The following CELSR3 variants were observed in gnomAD, a reference collection of about 807,000 sequenced individuals.
The protein encoded by CELSR3 is cadherin EGF LAG seven-pass G-type receptor 3.
A neutral mutation model predicts 270.0 loss-of-function variants in CELSR3; 73 were observed. The observed-to-expected ratio is 0.27, with a 90% CI of 0.22 to 0.33. CELSR3 has a LOEUF of 0.33. CELSR3 is among the 10% of genes least tolerant of loss of function. The pLI is 1.00. For synonymous variants in CELSR3, 1,780 were observed against 1,905.4 expected (o/e 0.93, Z 1.71); for missense variants, 3,614 against 4,533.8 (o/e 0.80, Z 5.83).
rs779098448 is a variant in CELSR3 at position 48,646,716 on chromosome 3, CA to C, written c.7295+46del. On this transcript the variant is annotated intron_variant, in intron 21 of 34. Coordinates refer to ENST00000164024, the MANE Select transcript of CELSR3 (RefSeq NM_001407.3). This position sits in a 1 kb window ranked among gnomAD's most constrained non-coding sequence, Gnocchi z 4.8. Reference sequence around the variant, plus strand: ...ATCTACCCACCAAAAAAGGGGCTGCCAGGCTGAGAAGTTCGTAGGAAGCTCA... The same window carrying C: ...ATCTACCCACCAAAAAAGGGGCTGCCGGCTGAGAAGTTCGTAGGAAGCTCA... The C allele has an allele frequency of 1.3e-6, 2 of 1,573,602 alleles. No homozygotes were observed. Among genetic ancestry groups the C allele is most frequent in the Non-Finnish European group, 1.7e-6 (2 of 1,164,398 alleles).
chr3:48,640,362 G>T lies in CELSR3; in HGVS notation c.9223C>A (p.Leu3075Ile). ...TCACGGCTCAGTTGCCGCCGGAGGA[G>T]CAGGTCCAGCTGTTCTCTAGAAGAG... is the stretch of plus-strand genomic sequence containing the variant. ...RYSSREQLDLLLRRQLSRERL... is the reference protein window; with the variant it reads ...RYSSREQLDLILRRQLSRERL... The change falls in exon 34 of 35, where the codon CTC becomes ATC. Residue 3075 changes from leucine (L) to isoleucine (I), a missense_variant. Physicochemically the swap from Leu to Ile is conservative, Grantham distance 5. Coordinates refer to ENST00000164024, the MANE Select transcript of CELSR3 (RefSeq NM_001407.3). This position sits in a 1 kb window ranked among gnomAD's most constrained non-coding sequence, Gnocchi z 7.5. The T allele has an allele frequency of 6.2e-7, 1 of 1,612,684 alleles. No homozygotes were observed. Among genetic ancestry groups the T allele is most frequent in the Non-Finnish European group, 8.5e-7 (1 of 1,179,920 alleles).
rs1263279070 is a variant in CELSR3 at position 48,653,847 on chromosome 3, C to T, written c.5278+31G>A. The T allele has an allele frequency of 6.2e-7, 1 of 1,612,128 alleles. No homozygotes were observed. On this transcript the variant is annotated intron_variant, in intron 8 of 34. Coordinates refer to ENST00000164024, the MANE Select transcript of CELSR3 (RefSeq NM_001407.3). The surrounding 1 kb of genome is among the most constrained non-coding windows in gnomAD (Gnocchi z 6.5). ...TGCCCCAGGAACAGATCTGACCCTG[C>T]AGGCCCCTCTGCCCCATGCTGCCCA...
Position 48,648,378 on chromosome 3 carries a change from G to C in CELSR3, c.6861C>G (p.Gly2287=), listed in dbSNP as rs777567335. Residue 2287 remains glycine (G), a synonymous_variant, in exon 19 of 35, where the codon GGC becomes GGG. Coordinates refer to ENST00000164024, the MANE Select transcript of CELSR3 (RefSeq NM_001407.3). The stretch of plus-strand genomic sequence containing the variant: ...TCACCAGTCCCGCGCTGCCTGGGGA[G>C]CCCCCAGGGGCCCGCTGCCCCAGCG... The part of the protein sequence containing the change: ...WAALGQRAPG[G]SPGSAGLVRH... 2 of 1,611,288 alleles carry C rather than the reference G, an allele frequency of 1.2e-6. No homozygotes were observed. Among genetic ancestry groups the C allele is most frequent in the East Asian group, 2.2e-5 (1 of 44,836 alleles).
Position 48,638,081 on chromosome 3 carries a change from G to C in CELSR3, c.*124C>G. 1 of 789,708 alleles carries C rather than the reference G, an allele frequency of 1.3e-6. No individual in the cohort carries two copies. Among genetic ancestry groups the C allele is most frequent in the East Asian group, 2.5e-5 (1 of 39,624 alleles). The allele number at this position is 789,708 out of a possible 1,614,324, so 48.9% of individuals were successfully genotyped here. A position where few individuals can be genotyped will look rare whatever the true frequency, so the allele number is the denominator to read the frequency against. ...CCTCAGCCCTGCCACACCAGGTAGA[G>C]CTGGGGCACCCACCACTGGGGAGCA... On this transcript the variant is annotated 3_prime_UTR_variant, in exon 35 of 35. Coordinates refer to ENST00000164024, the MANE Select transcript of CELSR3 (RefSeq NM_001407.3).
At position 48,662,397 on chromosome 3, in the gene CELSR3, C is replaced by A; in HGVS notation, c.238G>T (p.Val80Phe). Residue 80 changes from valine (V) to phenylalanine (F), a missense_variant, in exon 1 of 35, where the codon GTC (valine) becomes TTC (phenylalanine). Coordinates refer to ENST00000164024, the MANE Select transcript of CELSR3 (RefSeq NM_001407.3). The surrounding 1 kb of genome is among the most constrained non-coding windows in gnomAD (Gnocchi z 7.1). ...AGCCCCACGAAGATAGGCTCCCTGA[C>A]CCCCAGGCCAGGCCCCCCATCCTCC... ...VREDGGPGLG[V>F]REPIFVGLRG... 1 of 1,612,874 alleles carries A rather than the reference C, an allele frequency of 6.2e-7. No individual in the cohort carries two copies. Among genetic ancestry groups the A allele is most frequent in the Non-Finnish European group, 8.5e-7 (1 of 1,179,954 alleles).
Position 48,642,977 on chromosome 3 carries a change from G to A in CELSR3, c.8396C>T (p.Ala2799Val). ...RKAAPEEARP[A>V]PGLGPGAYNN... ...CCCATCCCGACTCACCAGCCCAGGT[G>A]CTGGCCTTGCCTCCTCAGGCGCTGC... Residue 2799 changes from alanine to valine, a missense_variant, in exon 29 of 35, where the codon GCA becomes GTA. By Grantham distance (64) the Ala-to-Val change is moderately conservative (BLOSUM62 0). Around this residue, in one of 7 missense-constraint regions of CELSR3, gnomAD observed 1,240 missense variants for 1,351.7 expected, o/e 0.92. Coordinates refer to ENST00000164024, the MANE Select transcript of CELSR3 (RefSeq NM_001407.3). The surrounding 1 kb of genome is among the most constrained non-coding windows in gnomAD (Gnocchi z 6.1). 1 of 1,612,290 alleles carries A rather than the reference G, an allele frequency of 6.2e-7. No homozygotes were observed. The highest frequency in any genetic ancestry group is 8.5e-7 in the Non-Finnish European group (1 of 1,179,494).
Position 48,637,995 on chromosome 3 carries a change from G to A in CELSR3, c.*210C>T. 2.4e-5 allele frequency: 12 copies of A among 498,510 alleles called. No homozygotes were observed. Among genetic ancestry groups the A allele is most frequent in the Admixed American group, 3.2e-5 (1 of 30,822 alleles). The allele number at this position is 498,510 out of a possible 1,614,324, so 30.9% of individuals were successfully genotyped here. On this transcript the variant is annotated 3_prime_UTR_variant, in exon 35 of 35. Coordinates refer to ENST00000164024, the MANE Select transcript of CELSR3 (RefSeq NM_001407.3). The stretch of plus-strand genomic sequence containing the variant: ...TTACAAAGGTACAAAACGTATAAAA[G>A]TCTCCCTCCAGTCCCCCGTCTCTGC...
chr3:48,648,238 G>GGCCCCCCCCCACCC, intron 19 of CELSR3, 28 bp downstream of exon 19: 3 of 1,342,622 alleles, frequency 2.2e-6, no homozygotes, highest in East Asian at 2.3e-5. Context: ...CCCCTGCTGT[G>GGCCCCCCCCCACCC]CCCCGCCCTA....
Position 48,662,886 on chromosome 3 carries a change from C to T in CELSR3, c.-252G>A. ...CTGCTGCCGCCTCCCGCCGCTCCAACATGGCTCCCGGCCGCCCCGATGGTT... is the reference window on the plus strand; with the variant it reads ...CTGCTGCCGCCTCCCGCCGCTCCAATATGGCTCCCGGCCGCCCCGATGGTT... On this transcript the variant is annotated 5_prime_UTR_variant, in exon 1 of 35. Transcript: ENST00000164024. This position sits in a 1 kb window ranked among gnomAD's most constrained non-coding sequence, Gnocchi z 7.1. 3.0e-6 allele frequency: 1 copy of T among 334,410 alleles called. No individual in the cohort carries two copies. Among genetic ancestry groups the T allele is most frequent in the Non-Finnish European group, 5.5e-6 (1 of 180,892 alleles). The allele number at this position is 334,410 out of a possible 1,614,324, so 20.7% of individuals were successfully genotyped here. A position where few individuals can be genotyped will look rare whatever the true frequency, so the allele number is the denominator to read the frequency against.
chr3:48,638,336 A>G (rs1657818056), intron 34 of CELSR3, 104 bp from the exon 35 acceptor site: 4 of 820,518 alleles, frequency 4.9e-6, no homozygotes, highest in Non-Finnish European at 8.6e-6. Context: ...CCTTGCCTCC[A>G]CCACTGCTCT....
chr3:48,659,557 G>A lies in CELSR3; in HGVS notation c.3078C>T (p.Asp1026=), dbSNP rs1472300530. The A allele has an allele frequency of 6.2e-7, 1 of 1,614,162 alleles. No individual in the cohort carries two copies. The highest frequency in any genetic ancestry group is 1.1e-5 in the South Asian group (1 of 91,086). Residue 1026 remains aspartate, a synonymous_variant, in exon 1 of 35, where the codon GAC becomes GAT. Coordinates refer to ENST00000164024, the MANE Select transcript of CELSR3 (RefSeq NM_001407.3). The surrounding 1 kb of genome is among the most constrained non-coding windows in gnomAD (Gnocchi z 8.1). ...SGIVRTVRRL[D]REAVSVYELT... ...ACTCATACACTGATACTGCCTCCCGGTCTAGCCGCCTTACTGTACGGACAA... is the reference window on the plus strand; with the variant it reads ...ACTCATACACTGATACTGCCTCCCGATCTAGCCGCCTTACTGTACGGACAA...
In CELSR3 at chr3:48,643,348, A is replaced by G. The variant is rs2047047687; in HGVS notation, c.8289+206T>C. The G allele has an allele frequency of 1.5e-5, 11 of 717,932 alleles. No homozygotes were observed. The South Asian group carries it at 2.1e-4, about 14-fold the overall frequency. 44.5% of individuals were successfully genotyped at this position (717,932 alleles called of 1,614,324 possible). ...GAAGGTCGATCCAAGATCAGCACTC[A>G]GTCTGGGATCAGTGCCTAAGTTAGA... On this transcript the variant is annotated intron_variant, in intron 28 of 34. Transcript: ENST00000164024.
intron 20 of CELSR3, 135 bp from the exon 21 acceptor site, chr3:48,647,063 C>A: frequency 3.7e-6 from 3 of 803,880 alleles, no homozygotes; most frequent in Non-Finnish European, 5.5e-6. Flanking sequence ...GAGCATGAAC[C>A]CAGAAAGTAA....
chr3:48,643,647 C>T lies in CELSR3; in HGVS notation c.8196G>A (p.Leu2732=). The change falls in exon 28 of 35, where the codon CTG becomes CTA. Residue 2732 remains leucine (L), a synonymous_variant. Coordinates refer to ENST00000164024, the MANE Select transcript of CELSR3 (RefSeq NM_001407.3). ...LTLRSSFLLL[L]LVSASWLFGL... ...CAAAGAGCCAGGAGGCACTGACCAG[C>T]AGAAGCAGCAGGAAGGAGCTGCGAA... The T allele has an allele frequency of 6.4e-7, 1 of 1,551,924 alleles. No homozygotes were observed. The highest frequency in any genetic ancestry group is 8.7e-7 in the Non-Finnish European group (1 of 1,147,388).
Position 48,644,305 on chromosome 3 carries a change from C to T in CELSR3, c.8086-10G>A, listed in dbSNP as rs762807514. The stretch of plus-strand genomic sequence containing the variant: ...ACATGGTCCCGTTCATCTGGACCCA[C>T]GGCCAGACATGTGGGGCCGGGCAGG... On this transcript the variant is annotated splice_polypyrimidine_tract_variant and intron_variant, in intron 26 of 34. Coordinates refer to ENST00000164024, the MANE Select transcript of CELSR3 (RefSeq NM_001407.3). The surrounding 1 kb of genome is among the most constrained non-coding windows in gnomAD (Gnocchi z 4.8). The T allele has an allele frequency of 3.5e-5, 56 of 1,612,298 alleles. No individual in the cohort carries two copies. The highest frequency in any genetic ancestry group is 1.6e-4 in the Middle Eastern group (1 of 6,074).
rs535718090 is a variant in CELSR3, at chr3:48,649,070, C to G, written c.6567+51G>C. 2.9e-5 allele frequency: 46 copies of G among 1,571,770 alleles called. No homozygotes were observed. The African/African-American group carries it at 3.9e-4, about 13-fold the overall frequency. ...CTAGGGTGTGGTATCTGGGGCCCACCACAGGCCAAGGAAGGTCTTAGGTTG... is the reference window on the plus strand; with the variant it reads ...CTAGGGTGTGGTATCTGGGGCCCACGACAGGCCAAGGAAGGTCTTAGGTTG... On this transcript the variant is annotated intron_variant, in intron 17 of 34. Transcript: ENST00000164024.
chr3:48,662,583 T>C lies in CELSR3; in HGVS notation c.52A>G (p.Ile18Val), dbSNP rs1444731881. The change falls in exon 1 of 35, where the codon ATA (isoleucine) becomes GTA (valine). Residue 18 changes from isoleucine (I) to valine (V), a missense_variant. Ile to Val is a conservative substitution (Grantham distance 29). This residue lies in a region of CELSR3 where 470 missense variants were observed against 469.7 expected (regional missense o/e 1.00). Transcript: ENST00000164024. The surrounding 1 kb of genome is among the most constrained non-coding windows in gnomAD (Gnocchi z 7.1). ...WRGLGGRSTP[I>V]LLLLLLSLFP... Reference sequence around the variant, plus strand: ...AAAGAGAGGAGAAGGAGCAGGAGTATGGGGGTCGACCGTCCCCCGAGGCCC... The same window carrying C: ...AAAGAGAGGAGAAGGAGCAGGAGTACGGGGGTCGACCGTCCCCCGAGGCCC... The C allele has an allele frequency of 8.5e-6, 13 of 1,524,208 alleles. No homozygotes were observed. Among genetic ancestry groups the C allele is most frequent in the Admixed American group, 6.4e-5 (3 of 46,648 alleles). 94.4% of individuals were successfully genotyped at this position (1,524,208 alleles called of 1,614,324 possible). A position where few individuals can be genotyped will look rare whatever the true frequency, so the allele number is the denominator to read the frequency against.
rs552645817 is a variant in CELSR3, at chr3:48,641,740, G to C, written c.8824+111C>G. 1.7e-6 allele frequency: 2 copies of C among 1,152,884 alleles called. No homozygotes were observed. Among genetic ancestry groups the C allele is most frequent in the East Asian group, 5.3e-5 (2 of 37,928 alleles). The allele number at this position is 1,152,884 out of a possible 1,614,324, so 71.4% of individuals were successfully genotyped here. ...CTAAAAGTTGGGGAACCTGATGACT[G>C]AGGGGTCAGAAAGACCAGGATGAAC... On this transcript the variant is annotated intron_variant, in intron 32 of 34. Coordinates refer to ENST00000164024, the MANE Select transcript of CELSR3 (RefSeq NM_001407.3). This position sits in a 1 kb window ranked among gnomAD's most constrained non-coding sequence, Gnocchi z 4.8.
rs1237750176 is a variant in CELSR3, at chr3:48,662,267, C to G, written c.368G>C (p.Arg123Pro). ...HGVQPLGSRERETGQGPGSVL... is the reference protein window; with the variant it reads ...HGVQPLGSREPETGQGPGSVL... ...AGACCCTGGTCCCTGTCCTGTCTCT[C>G]GTTCGCGGCTGCCCAATGGCTGGAC... The change falls in exon 1 of 35, where the codon CGA (arginine) becomes CCA (proline). Residue 123 changes from arginine (R) to proline (P), a missense_variant. Around this residue, in one of 7 missense-constraint regions of CELSR3, gnomAD observed 470 missense variants for 469.7 expected, o/e 1.00. Transcript: ENST00000164024. The surrounding 1 kb of genome is among the most constrained non-coding windows in gnomAD (Gnocchi z 7.1). 3 of 1,613,004 alleles carry G rather than the reference C, an allele frequency of 1.9e-6. No individual in the cohort carries two copies. Among genetic ancestry groups the G allele is most frequent in the Non-Finnish European group, 2.5e-6 (3 of 1,180,040 alleles).
Sources: allele counts gnomAD v4.1 joint callset, GRCh38; gene constraint gnomAD v4.1.1; regional missense constraint gnomAD v4.1.1; non-coding constraint Gnocchi (gnomAD v3.1); transcripts MANE v1.5; gene names NCBI Gene and HGNC (gene_info 2026-07-23, HGNC 2026-07-21).